The following MAP3K4 variants were observed in gnomAD, a reference collection of about 807,000 sequenced individuals.
MAP3K4 encodes mitogen-activated protein kinase kinase kinase 4.
In MAP3K4, 67 loss-of-function variants were observed where a neutral mutation model predicts 185.6. That is an observed-to-expected ratio of 0.36 (90% confidence interval 0.30 to 0.44). The LOEUF (loss-of-function observed/expected upper bound fraction) is 0.44. MAP3K4 is among the 20% of genes least tolerant of loss of function. MAP3K4 has a pLI of 1.00. For missense variants in MAP3K4, 1,551 were observed against 1,995.1 expected (o/e 0.78, Z 4.24); for synonymous variants, 702 against 710.4 (o/e 0.99, Z 0.19).
intron 1 of MAP3K4, among the ~76,000 whole-genome samples, chr6:161,016,046 G>A (rs148451321): frequency 7.0e-4 from 106 of 152,106 alleles, no homozygotes; most frequent in African/African-American, 2.3e-3. Context: ...CTTTGTCAAC[G>A]CGTTGTCTGA....
intron 15 of MAP3K4, among the ~76,000 whole-genome samples, chr6:161,095,238 A>G (rs1333957846): frequency 1.3e-5 from 2 of 152,052 alleles, no homozygotes; most frequent in African/African-American, 2.4e-5. Context: ...CTGGACAGCA[A>G]TTTTCCTGGG....
intron 3 of MAP3K4, among the ~76,000 whole-genome samples, chr6:161,065,507 A>C (rs1051903159): frequency 1.3e-5 from 2 of 152,200 alleles, no homozygotes; most frequent in African/African-American, 4.8e-5. Context: ...TGTTTTTAAT[A>C]TTTCATTCTA....
In MAP3K4 at chr6:161,051,097, A is replaced by T. The variant is rs764215431; in HGVS notation, c.1707+1118A>T. ...TTAATACTGTATAGTTTGGGGAATAATGGCAAGAAAAAAGTTTGTACATGT... is the reference window on the plus strand; with the variant it reads ...TTAATACTGTATAGTTTGGGGAATATTGGCAAGAAAAAAGTTTGTACATGT... On this transcript the variant is annotated intron_variant, in intron 3 of 26. Transcript: ENST00000392142. The surrounding 1 kb of genome is among the most constrained non-coding windows in gnomAD (Gnocchi z 4.2). Among the ~76,000 whole-genome samples, 1 of 152,256 alleles carries T rather than the reference A, an allele frequency of 6.6e-6. No individual in the cohort carries two copies. Among genetic ancestry groups the T allele is most frequent in the Non-Finnish European group, 1.5e-5 (1 of 68,046 alleles).
chr6:161,086,452 C>T lies in MAP3K4; in HGVS notation c.2446C>T (p.Leu816Phe). The part of the protein sequence containing the change: ...HEARERASKA[L>F]GFAKMLRKDL... ...AGCCAGAGAAAGGGCTTCCAAAGCACTTGGATTTGCTAAAATGTTGAGAAA... is the reference window on the plus strand; with the variant it reads ...AGCCAGAGAAAGGGCTTCCAAAGCATTTGGATTTGCTAAAATGTTGAGAAA... Residue 816 changes from leucine (L) to phenylalanine (F), a missense_variant, in exon 8 of 27, where the codon CTT becomes TTT. Leu to Phe is a conservative substitution (Grantham distance 22, BLOSUM62 0). This residue lies in a region of MAP3K4 where 6 missense variants were observed against 24.9 expected (regional missense o/e 0.24). Transcript: ENST00000392142. This position sits in a 1 kb window ranked among gnomAD's most constrained non-coding sequence, Gnocchi z 4.8. 6.2e-7 allele frequency: 1 copy of T among 1,614,070 alleles called. No homozygotes were observed. Among genetic ancestry groups the T allele is most frequent in the Non-Finnish European group, 8.5e-7 (1 of 1,179,982 alleles).
chr6:161,081,125 A>G, intron 6 of MAP3K4, 87 bp downstream of exon 6: 18 of 1,397,650 alleles, frequency 1.3e-5, no homozygotes, highest in Non-Finnish European at 1.7e-5. Flanking sequence ...ATGTGTTTGT[A>G]TGTTTAGTTA....
rs1006112736 is a variant in MAP3K4 at position 161,096,309 on chromosome 6, A to G, written c.3428-771A>G. ...AAACATATATAAACTAAAATTATTA[A>G]CATGAAGAGAAACTATGACATTAAA... On this transcript the variant is annotated intron_variant, in intron 15 of 26. Transcript: ENST00000392142. This position sits in a 1 kb window ranked among gnomAD's most constrained non-coding sequence, Gnocchi z 4.9. Among the ~76,000 whole-genome samples the G allele has an allele frequency of 1.2e-4, 19 of 152,310 alleles. No individual in the cohort carries two copies. The highest frequency in any genetic ancestry group is 3.6e-4 in the African/African-American group (15 of 41,576).
chr6:161,057,119 A>G (rs1253096716), intron 3 of MAP3K4, among the ~76,000 whole-genome samples: 2 of 152,226 alleles, frequency 1.3e-5, no homozygotes, highest in Non-Finnish European at 1.5e-5. Context: ...TTTCTTTAGA[A>G]TTAGAAACGA....
At position 161,115,608 on chromosome 6, in the gene MAP3K4, A is replaced by C. The variant is rs981424967; in HGVS notation, c.4806+306A>C. Among the ~76,000 whole-genome samples, 1 of 152,224 alleles carries C rather than the reference A, an allele frequency of 6.6e-6. No individual in the cohort carries two copies. The highest frequency in any genetic ancestry group is 1.5e-5 in the Non-Finnish European group (1 of 68,044). On this transcript the variant is annotated intron_variant, in intron 26 of 26. Transcript: ENST00000392142. This position sits in a 1 kb window ranked among gnomAD's most constrained non-coding sequence, Gnocchi z 6.0. ...GAGTGTATAGTCTACTTGGAGGGTC[A>C]AGACGGTAATGACTAATCATTATAC...
chr6:161,021,841 A>G (rs550299306), intron 1 of MAP3K4, among the ~76,000 whole-genome samples: 2 of 152,314 alleles, frequency 1.3e-5, no homozygotes, highest in Admixed American at 1.3e-4. Context: ...CTAATAGTGT[A>G]ATTTGACACA....
At chr6:161,015,378 C>T (rs369290011) in intron 1 of MAP3K4, among the ~76,000 whole-genome samples, 1 of 152,124 alleles carries the variant, frequency 6.6e-6, no homozygotes, top group African/African-American at 2.4e-5. Context: ...GGTGATGGGT[C>T]GATCTGTGCA....
intron 1 of MAP3K4, among the ~76,000 whole-genome samples, chr6:161,032,452 T>A (rs1171383153): frequency 6.6e-6 from 1 of 152,204 alleles, no homozygotes; most frequent in Non-Finnish European, 1.5e-5. Flanking sequence ...GAATAAGTAT[T>A]TATAAGTCTA....
rs1469131190 is a variant in MAP3K4, at chr6:161,074,222, T to G, written c.2097+610T>G. ...CTTAAAAAGATGAGTTAAGGGTTAG[T>G]TAAGGAACCTGGCACATTTGAGGAC... On this transcript the variant is annotated intron_variant, in intron 5 of 26. Coordinates refer to ENST00000392142, the MANE Select transcript of MAP3K4 (RefSeq NM_005922.4). This position sits in a 1 kb window ranked among gnomAD's most constrained non-coding sequence, Gnocchi z 5.0. Among the ~76,000 whole-genome samples, 1 of 152,230 alleles carries G rather than the reference T, an allele frequency of 6.6e-6. No individual in the cohort carries two copies. Among genetic ancestry groups the G allele is most frequent in the Non-Finnish European group, 1.5e-5 (1 of 68,040 alleles).
intron 13 of MAP3K4, 104 bp downstream of exon 13, chr6:161,092,247 A>G: frequency 1.6e-6 from 2 of 1,214,336 alleles, no homozygotes; most frequent in Non-Finnish European, 2.3e-6. Context: ...CACAGAAGGG[A>G]ACACTCTAAA....
chr6:161,092,092 G>A lies in MAP3K4; in HGVS notation c.3218G>A (p.Trp1073Ter). Residue 1073 changes from tryptophan to a stop codon, truncating the protein, a stop_gained, in exon 13 of 27, where the codon TGG becomes TAG. Transcript: ENST00000392142. LOFTEE classifies it high-confidence loss of function. ...AAATATATAAGCTTTGCCCGGAAGT[G>A]GATGAATTATGTCCTGACTAAATGT... ...GDKYISFARK[W>*]MNYVLTKCES... 1 of 1,613,898 alleles carries A rather than the reference G, an allele frequency of 6.2e-7. No homozygotes were observed. The highest frequency in any genetic ancestry group is 8.5e-7 in the Non-Finnish European group (1 of 1,179,890).
chr6:161,112,488 A>C lies in MAP3K4; in HGVS notation c.4520-180A>C, dbSNP rs184148654. The stretch of plus-strand genomic sequence containing the variant: ...TTCAAAAATAGTCTTTTAAAAGAGA[A>C]TTTGTCACCTAAAAAGTTTGTTCAA... On this transcript the variant is annotated intron_variant, in intron 24 of 26. Transcript: ENST00000392142. The surrounding 1 kb of genome is among the most constrained non-coding windows in gnomAD (Gnocchi z 5.1). Among the ~76,000 whole-genome samples, 10 of 152,348 alleles carry C rather than the reference A, an allele frequency of 6.6e-5. No individual in the cohort carries two copies. The highest frequency in any genetic ancestry group is 2.4e-4 in the African/African-American group (10 of 41,578).
chr6:161,035,569 C>G (rs1783126556), intron 2 of MAP3K4, among the ~76,000 whole-genome samples: 1 of 152,176 alleles, frequency 6.6e-6, no homozygotes, highest in African/African-American at 2.4e-5. Context: ...GATTTTTCCA[C>G]ATAAGATACT....
chr6:160,999,705 C>G (rs1781179036), intron 1 of MAP3K4, among the ~76,000 whole-genome samples: 1 of 152,174 alleles, frequency 6.6e-6, no homozygotes, highest in Non-Finnish European at 1.5e-5. Context: ...ATGTGCTCCC[C>G]TGGTCAAGGT....
At chr6:160,997,011 C>CT (rs1251109603) in intron 1 of MAP3K4, among the ~76,000 whole-genome samples, 1 of 152,110 alleles carries the variant, frequency 6.6e-6, no homozygotes, top group Non-Finnish European at 1.5e-5. Flanking sequence ...ACACAGGCTG[C>CT]TTTTTTCCCT....
Position 161,086,492 on chromosome 6 carries a change from C to T in MAP3K4, c.2472+14C>T. The T allele has an allele frequency of 6.2e-7, 1 of 1,610,152 alleles. No homozygotes were observed. The highest frequency in any genetic ancestry group is 8.5e-7 in the Non-Finnish European group (1 of 1,177,232). The stretch of plus-strand genomic sequence containing the variant: ...ATGTTGAGAAAGGTGAGCTTGCAAT[C>T]CTGATTAATTAGTACCTTTTTTCTT... On this transcript the variant is annotated intron_variant, in intron 8 of 26. Transcript: ENST00000392142. This position sits in a 1 kb window ranked among gnomAD's most constrained non-coding sequence, Gnocchi z 4.8.
Sources: gnomAD v4.1 joint callset for allele counts (sites outside exome capture counted in the v4.1 genomes callset) on GRCh38, gnomAD v4.1.1 for gene constraint, gnomAD v4.1.1 regional missense constraint, Gnocchi (gnomAD v3.1) non-coding constraint, MANE v1.5 for transcripts, NCBI Gene and HGNC (gene_info 2026-07-23, HGNC 2026-07-21) for gene names.